The following CHM variants were observed in gnomAD, a reference collection of about 807,000 sequenced individuals.
CHM encodes the protein CHM Rab escort protein, also known as rab proteins geranylgeranyltransferase component A 1.
In CHM, 10 loss-of-function variants were observed where a neutral mutation model predicts 49.0. The ratio of observed to expected loss-of-function variants is 0.20; its 90% confidence interval spans 0.13 to 0.35. The LOEUF (loss-of-function observed/expected upper bound fraction) is 0.35. CHM is among the 10% of genes least tolerant of loss of function. CHM has a pLI of 1.00. For missense variants in CHM, 455 were observed against 478.4 expected (o/e 0.95, Z 0.46); for synonymous variants, 184 against 167.5 (o/e 1.10, Z -0.76).
At position 86,026,102 on chromosome X, in the gene CHM, C is replaced by CTTTTTTT. The variant is rs1167691945; in HGVS notation, c.116+1382_116+1388dup. ...CTGGGCTTTCAAGGTAGCAGATTTT[C>CTTTTTTT]TTTTTTTTTTTTTTTTTTTTTTTTT... On this transcript the variant is annotated intron_variant, in intron 2 of 14. Transcript: ENST00000357749. Among the ~76,000 whole-genome samples, 122 of 26,754 alleles carry CTTTTTTT rather than the reference C, an allele frequency of 4.6e-3. 38 individuals carry two copies. Among genetic ancestry groups the CTTTTTTT allele is most frequent in the Non-Finnish European group, 5.4e-3 (72 of 13,230 alleles). The allele number at this position is 26,754 out of a possible 115,157, so 23.2% of individuals were successfully genotyped here. A position where few individuals can be genotyped will look rare whatever the true frequency, so the allele number is the denominator to read the frequency against.
intron 9 of CHM, among the ~76,000 whole-genome samples, chrX:85,903,473 A>G (rs1926401591): frequency 1.8e-5 from 2 of 111,146 alleles, no homozygotes; most frequent in South Asian, 3.8e-4. Context: ...TTGTTTCAAA[A>G]GTTATGATAT....
intron 8 of CHM, among the ~76,000 whole-genome samples, chrX:85,938,565 G>A (rs781266627): frequency 9.5e-6 from 1 of 105,027 alleles, no homozygotes; most frequent in African/African-American, 3.5e-5. Context: ...TTTTTTGGTG[G>A]TGGGGTTGCA....
At chrX:85,885,211 C>G (rs1470093437) in intron 12 of CHM, among the ~76,000 whole-genome samples, 1 of 110,137 alleles carries the variant, frequency 9.1e-6, no homozygotes, top group Non-Finnish European at 1.9e-5. Flanking sequence ...AAAACCTTCA[C>G]TAGTTAAGAG....
chrX:86,034,071 G>A (rs907371573), intron 1 of CHM, among the ~76,000 whole-genome samples: 6 of 111,621 alleles, frequency 5.4e-5, no homozygotes, highest in African/African-American at 2.0e-4. Context: ...AGAAGGACTG[G>A]CTTCCTGTTT....
intron 2 of CHM, among the ~76,000 whole-genome samples, chrX:85,991,882 T>C (rs1048619455): frequency 1.8e-5 from 2 of 111,583 alleles, no homozygotes; most frequent in Non-Finnish European, 3.8e-5. Context: ...TGGCATTTTA[T>C]ATTCACTATT....
At chrX:86,025,417 G>A (rs987190608) in intron 2 of CHM, among the ~76,000 whole-genome samples, 6 of 110,954 alleles carry the variant, frequency 5.4e-5, no homozygotes, top group Admixed American at 9.6e-5. Flanking sequence ...GGCCAGGTAC[G>A]GTAGTTCATG....
At chrX:86,003,999 G>C (rs1033895587) in intron 2 of CHM, among the ~76,000 whole-genome samples, 2 of 111,700 alleles carry the variant, frequency 1.8e-5, no homozygotes, top group South Asian at 3.7e-4. Flanking sequence ...AAAATGTTAA[G>C]GGCAGCCAGA....
chrX:85,963,879 G>A lies in CHM; in HGVS notation c.488C>T (p.Pro163Leu), dbSNP rs1400153935. The change falls in exon 5 of 15, where the codon CCA (proline) becomes CTA (leucine). Residue 163 changes from proline (P) to leucine (L), a missense_variant. Physicochemically the swap from Pro to Leu is moderately conservative, Grantham distance 98. Coordinates refer to ENST00000357749, the MANE Select transcript of CHM (RefSeq NM_000390.4). Reference protein sequence around the residue: ...MLTEQTPSSDPENALEVNGAE... With the variant: ...MLTEQTPSSDLENALEVNGAE... The stretch of plus-strand genomic sequence containing the variant: ...ACCATTTACTTCTAGCGCATTCTCT[G>A]GATCGCTGCTTGGAGTTTGTTCTGT... 8.3e-7 allele frequency: 1 copy of A among 1,208,453 alleles called. No individual in the cohort carries two copies. The highest frequency in any genetic ancestry group is 3.0e-5 in the East Asian group (1 of 33,713).
chrX:85,867,783 T>C (rs1286138768), intron 14 of CHM, among the ~76,000 whole-genome samples: 1 of 112,166 alleles, frequency 8.9e-6, no homozygotes, highest in Non-Finnish European at 1.9e-5. Flanking sequence ...TTACTAATAA[T>C]AACATAAGTA....
chrX:86,036,059 C>T (rs1205230181), intron 1 of CHM, among the ~76,000 whole-genome samples: 1 of 110,735 alleles, frequency 9.0e-6, no homozygotes, highest in Non-Finnish European at 1.9e-5. Context: ...TCCCAAAGTG[C>T]TGAGATTACA....
At chrX:85,867,209 T>C (rs1012569887) in intron 14 of CHM, among the ~76,000 whole-genome samples, 3 of 111,723 alleles carry the variant, frequency 2.7e-5, no homozygotes, top group Non-Finnish European at 5.6e-5. Context: ...CTTTTCCCCA[T>C]GCTGTCCTCG....
chrX:85,949,554 C>T (rs1350286645), intron 8 of CHM, among the ~76,000 whole-genome samples: 3 of 110,032 alleles, frequency 2.7e-5, no homozygotes, highest in Non-Finnish European at 3.8e-5. Context: ...ACTAAGAAAA[C>T]CATAGAACTC....
chrX:85,873,151 C>T lies in CHM; in HGVS notation c.1671G>A (p.Ser557=), dbSNP rs764777444. The T allele has an allele frequency of 1.7e-5, 21 of 1,205,679 alleles. No homozygotes were observed. Among genetic ancestry groups the T allele is most frequent in the African/African-American group, 3.5e-5 (2 of 57,654 alleles). ...TATAACAGCTCCTGCTGATGTCTGA[C>T]GAATCTCTCATATTGAAGTAAAGAG... ...LWALYFNMRD[S]SDISRSCYND... Residue 557 remains serine (S), a synonymous_variant, in exon 14 of 15, where the codon TCG becomes TCA. Transcript: ENST00000357749.
rs985534455 is a variant in CHM, at chrX:86,017,996, G to A, written c.116+9495C>T. 6.3e-5 allele frequency among the ~76,000 whole-genome samples: 7 copies of A among 111,733 alleles called. No individual in the cohort carries two copies. The Admixed American group carries it at 6.7e-4, about 11-fold the overall frequency. On this transcript the variant is annotated intron_variant, in intron 2 of 14. Transcript: ENST00000357749. ...CTAACATATAAAGCTCTAACAATTA[G>A]AGAAAACACAACAAGCCACATGAAG... is the stretch of plus-strand genomic sequence containing the variant.
chrX:85,982,463 G>T (rs748084190), intron 2 of CHM, among the ~76,000 whole-genome samples: 10 of 112,097 alleles, frequency 8.9e-5, no homozygotes, highest in Non-Finnish European at 1.7e-4. Context: ...ACTAATAACC[G>T]GGTGAGCTAT....
chrX:85,963,932 T>C lies in CHM; in HGVS notation c.435A>G (p.Ser145=). The C allele has an allele frequency of 5.0e-6, 6 of 1,211,437 alleles. No homozygotes were observed. Among genetic ancestry groups the C allele is most frequent in the Non-Finnish European group, 6.7e-6 (6 of 895,461 alleles). The change falls in exon 5 of 15, where the codon TCA becomes TCG. Residue 145 remains serine, a synonymous_variant. Coordinates refer to ENST00000357749, the MANE Select transcript of CHM (RefSeq NM_000390.4). ...DSAFLPTEDE[S]LSTMSCEMLT... ...GCATTTCACAGCTCATAGTGCTTAATGACTCATCCTCCGTAGGCAGGAAGG... is the reference window on the plus strand; with the variant it reads ...GCATTTCACAGCTCATAGTGCTTAACGACTCATCCTCCGTAGGCAGGAAGG...
chrX:85,954,990 C>A (rs1232407106), intron 8 of CHM, among the ~76,000 whole-genome samples: 1 of 110,554 alleles, frequency 9.0e-6, no homozygotes, highest in East Asian at 2.8e-4. Context: ...AATAAGCCAG[C>A]CACAGAAAGA....
chrX:85,936,429 T>C (rs1447676689), intron 8 of CHM, among the ~76,000 whole-genome samples: 1 of 111,695 alleles, frequency 9.0e-6, no homozygotes, highest in African/African-American at 3.3e-5. Flanking sequence ...GAGGTAAGAC[T>C]AGATTATGGC....
At chrX:85,956,042 T>C (rs1929990079) in intron 8 of CHM, 111 bp downstream of exon 8, 5 of 584,799 alleles carry the variant, frequency 8.5e-6, no homozygotes, top group South Asian at 2.8e-5. Flanking sequence ...GAATAAAGTA[T>C]ATATTTGCAT....
Sources: gnomAD v4.1 joint callset for allele counts (sites outside exome capture counted in the v4.1 genomes callset) on GRCh38, gnomAD v4.1.1 for gene constraint, MANE v1.5 for transcripts, NCBI Gene and HGNC (gene_info 2026-07-23, HGNC 2026-07-21) for gene names.